The following SLC2A13 variants were observed in gnomAD, a reference collection of about 807,000 sequenced individuals.
The protein encoded by SLC2A13 is solute carrier family 2 member 13.
Under a neutral mutation model 64.4 loss-of-function variants are expected in SLC2A13, and 32 were observed. The ratio of observed to expected loss-of-function variants is 0.50; its 90% CI spans 0.37 to 0.67. The LOEUF (loss-of-function observed/expected upper bound fraction) is 0.67, where lower values mean the gene tolerates loss of function less well. SLC2A13 is among the 30% of genes least tolerant of loss of function. The pLI is 0.00. For synonymous variants in SLC2A13, 338 were observed against 327.1 expected (o/e 1.03, Z -0.36); for missense variants, 743 against 829.2 (o/e 0.90, Z 1.28).
intron 1 of SLC2A13, 99 bp from the exon 2 acceptor site, chr12:40,048,309 C>T (rs10878036): frequency 0.16 from 196,685 of 1,202,070 alleles, 19,572 homozygotes; most frequent in East Asian, 0.49. Context: ...CATATATGGG[C>T]TTGGTTTTCT....
Position 39,758,434 on chromosome 12 carries a change from G to T in SLC2A13, c.*1592C>A, listed in dbSNP as rs1940027632. The T allele has an allele frequency of 6.6e-6, 1 of 151,864 alleles. No homozygotes were observed. 9.4% of individuals were successfully genotyped at this position (151,864 alleles called of 1,614,324 possible). On this transcript the variant is annotated 3_prime_UTR_variant, in exon 10 of 10. Coordinates refer to ENST00000280871, the MANE Select transcript of SLC2A13 (RefSeq NM_052885.4). ...TAGCCACCTTTTCTCTCCAAATACA[G>T]TACCTTATTAGATGTTTAGAGCCAT...
At chr12:40,013,815 T>C (rs984247810) in intron 3 of SLC2A13, among the ~76,000 whole-genome samples, 7 of 152,140 alleles carry the variant, frequency 4.6e-5, no homozygotes, top group African/African-American at 1.7e-4. Flanking sequence ...CACCAGGATG[T>C]GGAACAACCT....
At chr12:39,906,195 A>G (rs1174947610) in intron 4 of SLC2A13, among the ~76,000 whole-genome samples, 5 of 152,114 alleles carry the variant, frequency 3.3e-5, no homozygotes, top group Admixed American at 1.3e-4. Flanking sequence ...AATAATCCCA[A>G]TTTTCAATTC....
intron 7 of SLC2A13, among the ~76,000 whole-genome samples, chr12:39,799,065 GTT>G (rs1037562150): frequency 7.7e-6 from 1 of 129,202 alleles, no homozygotes; most frequent in Admixed American, 7.8e-5. Context: ...TACTGTTCTG[GTT>G]TTTTTTTTTT....
intron 3 of SLC2A13, 92 bp downstream of exon 3, chr12:40,028,209 T>C (rs1428061972): frequency 1.5e-6 from 1 of 667,090 alleles, no homozygotes; most frequent in Non-Finnish European, 2.3e-6. Context: ...ACCCATATAT[T>C]AAAAATATAT....
intron 2 of SLC2A13, among the ~76,000 whole-genome samples, chr12:40,039,446 T>G (rs1050515445): frequency 6.6e-6 from 1 of 152,274 alleles, no homozygotes; most frequent in African/African-American, 2.4e-5. Context: ...ATTTGCTATT[T>G]GTGCCATCTC....
chr12:39,994,154 C>T (rs1354356558), intron 3 of SLC2A13, among the ~76,000 whole-genome samples: 1 of 152,080 alleles, frequency 6.6e-6, no homozygotes, highest in Non-Finnish European at 1.5e-5. Flanking sequence ...CTTCGGGAGG[C>T]TGAGGTGGAC....
At chr12:40,018,961 T>G (rs1947665166) in intron 3 of SLC2A13, among the ~76,000 whole-genome samples, 1 of 152,128 alleles carries the variant, frequency 6.6e-6, no homozygotes, top group Non-Finnish European at 1.5e-5. Context: ...CAAACAAGAT[T>G]GTAAAGGAAG....
intron 3 of SLC2A13, among the ~76,000 whole-genome samples, chr12:39,956,353 T>G (rs948568512): frequency 5.3e-5 from 8 of 152,218 alleles, no homozygotes; most frequent in African/African-American, 9.7e-5. Context: ...GGCAGCAATA[T>G]GTTCACTTGC....
intron 4 of SLC2A13, among the ~76,000 whole-genome samples, chr12:39,905,439 G>T (rs911733457): frequency 2.6e-5 from 4 of 152,048 alleles, no homozygotes; most frequent in African/African-American, 4.8e-5. Context: ...CTAAACTCCA[G>T]GCTGAATGTA....
At chr12:39,995,779 G>A (rs767466394) in intron 3 of SLC2A13, among the ~76,000 whole-genome samples, 79 of 152,222 alleles carry the variant, frequency 5.2e-4, no homozygotes, top group Non-Finnish European at 9.7e-4. Context: ...TGCTGTTCTC[G>A]TGATAGTGAG....
At chr12:40,096,492 C>A (rs1938947550) in intron 1 of SLC2A13, among the ~76,000 whole-genome samples, 1 of 151,048 alleles carries the variant, frequency 6.6e-6, no homozygotes, top group Non-Finnish European at 1.5e-5. Context: ...AAGATGTCAT[C>A]AATATAGATA....
At chr12:39,853,755 A>G (rs141177126) in intron 6 of SLC2A13, among the ~76,000 whole-genome samples, 2,054 of 152,248 alleles carry the variant, frequency 0.013, 139 homozygotes, top group Admixed American at 0.098. Flanking sequence ...TTTAAAGAAA[A>G]TAATCCCATA....
intron 7 of SLC2A13, among the ~76,000 whole-genome samples, chr12:39,828,826 C>A (rs1942765325): frequency 6.6e-6 from 1 of 151,796 alleles, no homozygotes; most frequent in African/African-American, 2.4e-5. Flanking sequence ...CTGATAAGAA[C>A]TATAAACTGA....
At chr12:39,818,688 T>C (rs1033546864) in intron 7 of SLC2A13, among the ~76,000 whole-genome samples, 5 of 152,148 alleles carry the variant, frequency 3.3e-5, no homozygotes. Flanking sequence ...AGGTTTGGTA[T>C]ACTATCTTAG....
chr12:40,001,134 T>C (rs1176567514), intron 3 of SLC2A13, among the ~76,000 whole-genome samples: 1 of 152,244 alleles, frequency 6.6e-6, no homozygotes, highest in Non-Finnish European at 1.5e-5. Context: ...ACTGGTATGT[T>C]TAGCTGTTTT....
chr12:40,038,000 G>T (rs1948019044), intron 2 of SLC2A13, among the ~76,000 whole-genome samples: 2 of 152,102 alleles, frequency 1.3e-5, no homozygotes. Flanking sequence ...TGTTAACATT[G>T]ACCTCTGCTC....
chr12:40,090,192 G>C (rs1277711335), intron 1 of SLC2A13, among the ~76,000 whole-genome samples: 3 of 151,972 alleles, frequency 2.0e-5, no homozygotes, highest in South Asian at 2.1e-4. Context: ...AGTTTAATAA[G>C]GCATATTTCT....
chr12:39,900,342 G>A (rs1369033652), intron 4 of SLC2A13, among the ~76,000 whole-genome samples: 5 of 152,102 alleles, frequency 3.3e-5, no homozygotes, highest in Non-Finnish European at 7.4e-5. Flanking sequence ...TCTGGCCAGG[G>A]CGATTAGGCA....
Sources: gnomAD v4.1 joint callset for allele counts (sites outside exome capture counted in the v4.1 genomes callset) on GRCh38, gnomAD v4.1.1 for gene constraint, MANE v1.5 for transcripts, NCBI Gene and HGNC (gene_info 2026-07-23, HGNC 2026-07-21) for gene names.